The following GEMIN5 variants were observed in gnomAD, a reference collection of about 807,000 sequenced individuals.
GEMIN5 encodes gem-associated protein 5.
In GEMIN5, 124 loss-of-function variants were observed where a neutral mutation model predicts 176.9. The observed-to-expected ratio is 0.70, with a 90% CI of 0.61 to 0.81. The LOEUF (loss-of-function observed/expected upper bound fraction) is 0.81. Among genes scored for constraint, GEMIN5 ranks in the 40% least tolerant of loss-of-function variants. The pLI, the probability that GEMIN5 is intolerant of heterozygous loss-of-function variation, is 0.00. For missense variants in GEMIN5, 1,843 were observed against 1,814.6 expected, an observed-to-expected ratio of 1.02 and a Z score of -0.28; for synonymous variants, 673 against 665.2, an observed-to-expected ratio of 1.01 and a Z score of -0.18.
Position 154,911,929 on chromosome 5 carries a change from AT to A in GEMIN5, c.1996-32del, listed in dbSNP as rs761308280. The A allele has an allele frequency of 1.1e-5, 18 of 1,595,812 alleles. No individual in the cohort carries two copies. The South Asian group carries it at 1.8e-4, about 16-fold the overall frequency. ...CCCAAAAGCACATGGCCGAAAAGAC[AT>A]TTTCTGGTTATTCTATTGTTTGGGC... On this transcript the variant is annotated intron_variant, in intron 14 of 27. Transcript: ENST00000285873.
chr5:154,926,861 C>G (rs1027893476), intron 7 of GEMIN5, among the ~76,000 whole-genome samples: 1 of 152,150 alleles, frequency 6.6e-6, no homozygotes, highest in Non-Finnish European at 1.5e-5. Flanking sequence ...CTGGCCAACA[C>G]AGTGAAACTC....
In GEMIN5 at chr5:154,899,416, T is replaced by C. The variant is rs1422499142; in HGVS notation, c.3015-106A>G. 6 of 928,548 alleles carry C rather than the reference T, an allele frequency of 6.5e-6. No homozygotes were observed. The Admixed American group carries it at 8.9e-5, about 14-fold the overall frequency. 57.5% of individuals were successfully genotyped at this position (928,548 alleles called of 1,614,324 possible). ...AAACTGTCCCTTTTGTGTTGTCTTATTGTTCCAACTTCCTTTAAAAACTGC... is the reference window on the plus strand; with the variant it reads ...AAACTGTCCCTTTTGTGTTGTCTTACTGTTCCAACTTCCTTTAAAAACTGC... On this transcript the variant is annotated intron_variant, in intron 21 of 27. Transcript: ENST00000285873.
rs1362158476 is a variant in GEMIN5, at chr5:154,938,125, C to T, written c.9G>A (p.Gln3=). The T allele has an allele frequency of 7.2e-7, 1 of 1,391,932 alleles. No individual in the cohort carries two copies. Among genetic ancestry groups the T allele is most frequent in the East Asian group, 2.8e-5 (1 of 35,612 alleles). 86.2% of individuals were successfully genotyped at this position (1,391,932 alleles called of 1,614,324 possible). The change falls in exon 1 of 28, where the codon CAG becomes CAA. Residue 3 remains glutamine, a synonymous_variant. Transcript: ENST00000285873. Reference sequence around the variant, plus strand: ...GGGAGGGCGGCAGCGTCCGCGGCTCCTGCCCCATAACTACAAGCCGTCAGA... The same window carrying T: ...GGGAGGGCGGCAGCGTCCGCGGCTCTTGCCCCATAACTACAAGCCGTCAGA... MG[Q]EPRTLPPSPN... is the part of the protein sequence containing the mutation.
chr5:154,935,925 T>A lies in GEMIN5; in HGVS notation c.425A>T (p.Asn142Ile). ...GVVFCYWFNR[N>I]DSQHLFIEPR... ...TTCTATAAAGAGGTGCTGGCTGTCA[T>A]TTCTGTTAAACCAGTAACAGAAAAC... is the stretch of plus-strand genomic sequence containing the variant. Residue 142 changes from asparagine to isoleucine, a missense_variant, in exon 3 of 28, where the codon AAT becomes ATT. Asn to Ile is a moderately radical substitution (Grantham distance 149, BLOSUM62 -3). Transcript: ENST00000285873. 1 of 1,613,306 alleles carries A rather than the reference T, an allele frequency of 6.2e-7. No homozygotes were observed. Among genetic ancestry groups the A allele is most frequent in the Non-Finnish European group, 8.5e-7 (1 of 1,179,228 alleles).
At chr5:154,930,894 G>A (rs1436740471) in intron 5 of GEMIN5, among the ~76,000 whole-genome samples, 1 of 152,098 alleles carries the variant, frequency 6.6e-6, no homozygotes, top group Non-Finnish European at 1.5e-5. Flanking sequence ...AGAAAAACAA[G>A]ATTTTTACTA....
chr5:154,895,966 G>GTA, intron 24 of GEMIN5, 126 bp downstream of exon 24: 1 of 1,020,798 alleles, frequency 9.8e-7, no homozygotes, highest in South Asian at 1.5e-5. Flanking sequence ...CAGGTGGCGT[G>GTA]GCCATGCCTT....
chr5:154,898,772 T>C lies in GEMIN5; in HGVS notation c.3135-122A>G. ...ATGTGCCTTCCTGTGGTCCCAGGTA[T>C]GTCACTGCCCCGGTTGTTCCTGTGA... On this transcript the variant is annotated intron_variant, in intron 22 of 27. Coordinates refer to ENST00000285873, the MANE Select transcript of GEMIN5 (RefSeq NM_015465.5). 7.6e-6 allele frequency: 6 copies of C among 790,752 alleles called. No homozygotes were observed. In the South Asian group the frequency reaches 9.9e-5, roughly 13 times the overall value. 49.0% of individuals were successfully genotyped at this position (790,752 alleles called of 1,614,324 possible).
At position 154,919,950 on chromosome 5, in the gene GEMIN5, G is replaced by A; in HGVS notation, c.1599+17C>T. The A allele has an allele frequency of 6.2e-7, 1 of 1,610,104 alleles. No homozygotes were observed. ...TGTGATGTAAAAAGAAAATACTTCA[G>A]GACCACAAGAACTCACTTTGATTGA... On this transcript the variant is annotated intron_variant, in intron 11 of 27. Transcript: ENST00000285873.
chr5:154,936,888 A>C (rs1018371753), intron 2 of GEMIN5, 137 bp downstream of exon 2: 1 of 688,980 alleles, frequency 1.5e-6, no homozygotes, highest in African/African-American at 1.8e-5. Flanking sequence ...GACATCTTAC[A>C]ATATAGTTTC....
intron 13 of GEMIN5, among the ~76,000 whole-genome samples, chr5:154,915,027 C>A (rs1348639302): frequency 6.6e-6 from 1 of 152,084 alleles, no homozygotes; most frequent in Non-Finnish European, 1.5e-5. Flanking sequence ...TGGCAGTTTT[C>A]TTCCTTTCTC....
chr5:154,903,103 A>G lies in GEMIN5; in HGVS notation c.2705T>C (p.Leu902Pro), dbSNP rs1487317770. 6.2e-7 allele frequency: 1 copy of G among 1,605,624 alleles called. No individual in the cohort carries two copies. Among genetic ancestry groups the G allele is most frequent in the African/African-American group, 1.3e-5 (1 of 74,744 alleles). The change falls in exon 19 of 28, where the codon CTG (leucine) becomes CCG (proline). Residue 902 changes from leucine (L) to proline (P), a missense_variant. Transcript: ENST00000285873. ...HLGLFTDRAT[L>P]YRMIDIEGKG... ...ACCTTCAATATCAATCATTCTATAC[A>G]GGGTAGCCCTGTCTGTGAAAAGCCC...
At chr5:154,931,824 G>A (rs1361229733) in intron 4 of GEMIN5, 2 of 490,518 alleles carry the variant, frequency 4.1e-6, no homozygotes, top group African/African-American at 1.9e-5. Context: ...AGACCAGCCT[G>A]ACCAACATGG....
rs927001838 is a variant in GEMIN5, at chr5:154,926,239, A to G, written c.1081-165T>C. On this transcript the variant is annotated intron_variant, in intron 7 of 27. Transcript: ENST00000285873. The stretch of plus-strand genomic sequence containing the variant: ...GCTAAGAAAAAAAAAATAGTAATAA[A>G]TTATGTTGCTTAAAGGGATCTTAAA... Among the ~76,000 whole-genome samples the G allele has an allele frequency of 8.5e-5, 13 of 152,326 alleles. 2 individuals carry two copies. Among genetic ancestry groups the G allele is most frequent in the Middle Eastern group, 3.4e-3 (1 of 294 alleles).
chr5:154,888,467 T>C (rs1763154115), intron 27 of GEMIN5, 90 bp from the exon 28 acceptor site: 5 of 1,066,286 alleles, frequency 4.7e-6, no homozygotes, highest in Non-Finnish European at 6.9e-6. Context: ...CTCAGGTTCA[T>C]CTATAGACAC....
chr5:154,928,739 C>T (rs1764098191), intron 5 of GEMIN5, 80 bp from the exon 6 acceptor site: 3 of 1,248,660 alleles, frequency 2.4e-6, no homozygotes, highest in South Asian at 1.3e-5. Context: ...TCATAACACA[C>T]AGTCTGCGCT....
At chr5:154,915,301 G>GT (rs2113487894) in intron 13 of GEMIN5, among the ~76,000 whole-genome samples, 1 of 152,196 alleles carries the variant, frequency 6.6e-6, no homozygotes, top group South Asian at 2.1e-4. Context: ...AATGAAAAAT[G>GT]TAACTATTTT....
intron 5 of GEMIN5, among the ~76,000 whole-genome samples, chr5:154,929,385 A>T (rs1178422940): frequency 6.6e-6 from 1 of 152,216 alleles, no homozygotes; most frequent in Non-Finnish European, 1.5e-5. Context: ...GTCGGCAAGA[A>T]ATCCAACAAA....
intron 24 of GEMIN5, chr5:154,892,751 C>A: frequency 1.8e-6 from 1 of 560,688 alleles, no homozygotes; most frequent in South Asian, 2.3e-5. Flanking sequence ...ACACACGTCC[C>A]GGTGTTAAAG....
intron 9 of GEMIN5, among the ~76,000 whole-genome samples, chr5:154,923,956 T>C (rs1390990591): frequency 2.0e-5 from 3 of 152,252 alleles, no homozygotes; most frequent in Non-Finnish European, 2.9e-5. Context: ...ACTGTATATG[T>C]AACCTAAAGT....
Sources: gnomAD v4.1 joint callset for allele counts (sites outside exome capture counted in the v4.1 genomes callset) on GRCh38, gnomAD v4.1.1 for gene constraint, MANE v1.5 for transcripts, NCBI Gene and HGNC (gene_info 2026-07-23, HGNC 2026-07-21) for gene names.